Variants in TTC27 observed in about 807,000 individuals in gnomAD.
The protein encoded by TTC27 is tetratricopeptide repeat domain 27.
TTC27 carries 79 observed loss-of-function variants against 115.9 expected under a neutral mutation model. The ratio of observed to expected loss-of-function variants is 0.68; its 90% CI spans 0.57 to 0.82. The LOEUF (loss-of-function observed/expected upper bound fraction) is 0.82. Ranked by LOEUF, TTC27 falls within the 40% of genes least tolerant of loss-of-function variation. The probability of loss-of-function intolerance (pLI) is 0.00; values close to 1 mark genes in which losing one functional copy is unlikely to be tolerated. For missense variants in TTC27, 1,054 were observed against 993.1 expected (o/e 1.06, Z -0.82); for synonymous variants, 401 against 356.0 (o/e 1.13, Z -1.42).
intron 9 of TTC27, among the ~76,000 whole-genome samples, chr2:32,699,425 T>A (rs1381480210): frequency 6.6e-6 from 1 of 152,232 alleles, no homozygotes; most frequent in Non-Finnish European, 1.5e-5. Flanking sequence ...TCCAGGTGTT[T>A]ATGTAGATTA....
At chr2:32,777,772 T>C (rs1233792774) in intron 13 of TTC27, 110 bp from the exon 14 acceptor site, 9 of 942,018 alleles carry the variant, frequency 9.6e-6, no homozygotes, top group Non-Finnish European at 1.5e-5. Context: ...ATTATATAGC[T>C]CTGCATTCTT....
intron 3 of TTC27, 29 bp from the exon 4 acceptor site, chr2:32,640,241 A>T (rs139851663): frequency 6.3e-7 from 1 of 1,590,700 alleles, no homozygotes; most frequent in South Asian, 1.1e-5. Flanking sequence ...GTTAAATTAT[A>T]TCATCTTAGT....
intron 7 of TTC27, among the ~76,000 whole-genome samples, chr2:32,668,855 G>A (rs1189666874): frequency 3.3e-5 from 5 of 151,908 alleles, no homozygotes; most frequent in African/African-American, 7.2e-5. Context: ...CGAGGTGGAC[G>A]GATCATGAGG....
At chr2:32,784,686 A>G (rs111908196) in intron 15 of TTC27, among the ~76,000 whole-genome samples, 3 of 152,346 alleles carry the variant, frequency 2.0e-5, no homozygotes, top group African/African-American at 7.2e-5. Flanking sequence ...CCAAAAAGGA[A>G]AAAAGGATTC....
intron 12 of TTC27, 39 bp from the exon 13 acceptor site, chr2:32,758,253 A>T: frequency 6.3e-7 from 1 of 1,574,810 alleles, no homozygotes; most frequent in Non-Finnish European, 8.6e-7. Flanking sequence ...ATAGCAGTTA[A>T]TCACTCTTAA....
chr2:32,651,503 C>T (rs562668290), intron 5 of TTC27, among the ~76,000 whole-genome samples: 18 of 152,280 alleles, frequency 1.2e-4, no homozygotes, highest in East Asian at 1.2e-3. Flanking sequence ...TGTGCCACCA[C>T]GCCTGGCTAA....
At chr2:32,639,229 A>G (rs1262085143) in intron 3 of TTC27, among the ~76,000 whole-genome samples, 3 of 152,230 alleles carry the variant, frequency 2.0e-5, no homozygotes, top group Admixed American at 2.0e-4. Flanking sequence ...AGAAGCAGAG[A>G]AAGGACACTG....
At chr2:32,678,978 C>G (rs1666326704) in intron 9 of TTC27, 56 bp downstream of exon 9, 1 of 1,456,406 alleles carries the variant, frequency 6.9e-7, no homozygotes, top group Non-Finnish European at 9.6e-7. Context: ...ATTACTTCCT[C>G]TGGTATGGTC....
At position 32,811,026 on chromosome 2, in the gene TTC27, C is replaced by T. The variant is rs764925891; in HGVS notation, c.2001C>T (p.Val667=). The T allele has an allele frequency of 2.5e-6, 4 of 1,613,956 alleles. No homozygotes were observed. The East Asian group carries it at 8.9e-5, about 36-fold the overall frequency. The change falls in exon 17 of 20, where the codon GTC becomes GTT. Residue 667 remains valine (V), a splice_region_variant and synonymous_variant. Coordinates refer to ENST00000317907, the MANE Select transcript of TTC27 (RefSeq NM_017735.5). ...DLRDKYKDVQ[V]LKILVRAVID... is the part of the protein sequence containing the mutation. The stretch of plus-strand genomic sequence containing the variant: ...AGTTTGTTCTGTGCATTTTTAAGGT[C>T]CTTAAAATTCTAGTCAGGGCAGTGA...
chr2:32,798,386 C>T (rs1260769891), intron 16 of TTC27, among the ~76,000 whole-genome samples: 8 of 148,178 alleles, frequency 5.4e-5, no homozygotes, highest in African/African-American at 7.5e-5. Flanking sequence ...GGCGACAGAG[C>T]GCGACTCCAT....
At chr2:32,700,859 AT>A (rs560452855) in intron 9 of TTC27, among the ~76,000 whole-genome samples, 105 of 152,308 alleles carry the variant, frequency 6.9e-4, no homozygotes, top group African/African-American at 2.5e-3. Context: ...TTGAGATCAC[AT>A]TTTATAATAA....
At chr2:32,751,909 A>C (rs1421676974) in intron 12 of TTC27, among the ~76,000 whole-genome samples, 2 of 152,206 alleles carry the variant, frequency 1.3e-5, no homozygotes, top group Non-Finnish European at 2.9e-5. Flanking sequence ...CTGGTCTCCA[A>C]ACCTAGAAAT....
intron 5 of TTC27, among the ~76,000 whole-genome samples, chr2:32,659,327 C>T (rs1435024019): frequency 6.8e-6 from 1 of 146,560 alleles, no homozygotes; most frequent in African/African-American, 2.5e-5. Flanking sequence ...AAACTGATAT[C>T]GTCTTCATCA....
intron 13 of TTC27, among the ~76,000 whole-genome samples, chr2:32,770,728 A>T (rs1483973108): frequency 6.6e-6 from 1 of 152,190 alleles, no homozygotes; most frequent in Non-Finnish European, 1.5e-5. Context: ...TAATCATCTT[A>T]GCGGTTTGTA....
At chr2:32,693,895 C>T (rs1381318263) in intron 9 of TTC27, among the ~76,000 whole-genome samples, 2 of 152,132 alleles carry the variant, frequency 1.3e-5, no homozygotes, top group Admixed American at 6.6e-5. Flanking sequence ...TAGACTAGTG[C>T]CTGAACAGCA....
intron 7 of TTC27, 77 bp from the exon 8 acceptor site, chr2:32,672,195 C>A: frequency 1.0e-6 from 1 of 999,512 alleles, no homozygotes; most frequent in Non-Finnish European, 1.5e-6. Context: ...TCCTTTCTAG[C>A]AATCTATTAC....
At chr2:32,763,160 A>G (rs960171689) in intron 13 of TTC27, among the ~76,000 whole-genome samples, 1 of 152,204 alleles carries the variant, frequency 6.6e-6, no homozygotes, top group African/African-American at 2.4e-5. Context: ...AGCTTCTCAT[A>G]TGGATCCAAT....
chr2:32,729,219 A>T (rs932701922), intron 10 of TTC27, among the ~76,000 whole-genome samples: 1 of 152,222 alleles, frequency 6.6e-6, no homozygotes, highest in Non-Finnish European at 1.5e-5. Flanking sequence ...AACGTGTGCC[A>T]TACTTTTAGA....
In TTC27 at chr2:32,820,867, G is replaced by A. The variant is rs541406110; in HGVS notation, c.2461G>A (p.Asp821Asn). The change falls in exon 20 of 20, where the codon GAC (aspartate) becomes AAC (asparagine). Residue 821 changes from aspartate (D) to asparagine (N), a missense_variant. Physicochemically the swap from Asp to Asn is conservative, Grantham distance 23. Transcript: ENST00000317907. ...AGAAATGTCCAGGGAATTAGCTGAT[G>A]ACATAACAGCTATGGACACCTTAGT... ...TGEMSRELAD[D>N]ITAMDTLVTE... is the part of the protein sequence containing the mutation. 1.2e-5 allele frequency: 18 copies of A among 1,544,456 alleles called. No homozygotes were observed. The East Asian group carries it at 3.9e-4, about 34-fold the overall frequency.
Sources: gnomAD v4.1 joint callset for allele counts (sites outside exome capture counted in the v4.1 genomes callset) on GRCh38, gnomAD v4.1.1 for gene constraint, MANE v1.5 for transcripts, NCBI Gene and HGNC (gene_info 2026-07-23, HGNC 2026-07-21) for gene names.